DGKG: variants seen among roughly 807,000 people sequenced by gnomAD.
DGKG encodes DAG kinase gamma.
Under a neutral mutation model 105.3 loss-of-function variants are expected in DGKG, and 78 were observed. That is an observed-to-expected ratio of 0.74 (90% CI 0.62 to 0.89). The LOEUF (loss-of-function observed/expected upper bound fraction) is 0.89. DGKG is among the 40% of genes least tolerant of loss of function. The pLI is 0.00. For missense variants in DGKG, 958 were observed against 1,020.1 expected (o/e 0.94, Z 0.83); for synonymous variants, 346 against 367.1 (o/e 0.94, Z 0.66).
chr3:186,344,417 G>A (rs527683634), intron 1 of DGKG, among the ~76,000 whole-genome samples: 26 of 152,352 alleles, frequency 1.7e-4, no homozygotes, highest in Non-Finnish European at 1.9e-4. Context: ...AAAAGAACGC[G>A]ATATGTCTTT....
rs1490498352 is a variant in DGKG, at chr3:186,347,396, C to T, written c.-249+14550G>A. On this transcript the variant is annotated intron_variant, in intron 1 of 24. Transcript: ENST00000265022. ...CCGGGAGGCAGAGGTTGCAGTGAGC[C>T]GAGACCACAGCCGCTGCACTCCAGC... Among the ~76,000 whole-genome samples the T allele has an allele frequency of 7.2e-5, 10 of 139,496 alleles. No individual in the cohort carries two copies. In the East Asian group the frequency reaches 1.3e-3, roughly 18 times the overall value. The allele number at this position is 139,496 out of a possible 152,430, so 91.5% of individuals were successfully genotyped here. A position where few individuals can be genotyped will look rare whatever the true frequency, so the allele number is the denominator to read the frequency against.
chr3:186,280,857 A>C, intron 7 of DGKG, 113 bp from the exon 8 acceptor site: 1 of 816,962 alleles, frequency 1.2e-6, no homozygotes, highest in South Asian at 1.6e-5. Context: ...GGGCAAGAGA[A>C]GAAGCTGGTG....
intron 1 of DGKG, among the ~76,000 whole-genome samples, chr3:186,352,693 TA>T (rs1480805313): frequency 1.3e-5 from 2 of 152,188 alleles, no homozygotes; most frequent in Non-Finnish European, 2.9e-5. Flanking sequence ...TACACTCAGT[TA>T]CAAGTTCTTT....
chr3:186,312,718 T>C (rs1368314565), intron 2 of DGKG, among the ~76,000 whole-genome samples: 1 of 152,222 alleles, frequency 6.6e-6, no homozygotes, highest in Non-Finnish European at 1.5e-5. Flanking sequence ...TAGGAAGTTA[T>C]ACAGTGAGAT....
intron 20 of DGKG, among the ~76,000 whole-genome samples, chr3:186,217,066 T>C (rs1719326606): frequency 6.6e-6 from 1 of 152,216 alleles, no homozygotes; most frequent in South Asian, 2.1e-4. Context: ...AAGTGCTCAG[T>C]AGCTGTTCTT....
intron 13 of DGKG, among the ~76,000 whole-genome samples, chr3:186,266,243 G>A (rs904687542): frequency 1.4e-4 from 21 of 152,200 alleles, no homozygotes; most frequent in African/African-American, 4.8e-4. Context: ...ATATCTTTTC[G>A]AGTCTAGCTT....
chr3:186,156,304 A>G (rs1165260282), intron 24 of DGKG, among the ~76,000 whole-genome samples: 1 of 152,024 alleles, frequency 6.6e-6, no homozygotes, highest in Non-Finnish European at 1.5e-5. Flanking sequence ...GTTTGAGGTG[A>G]GAGGTTCTAT....
chr3:186,157,947 C>T (rs959725299), intron 24 of DGKG, among the ~76,000 whole-genome samples: 3 of 152,172 alleles, frequency 2.0e-5, no homozygotes, highest in East Asian at 1.9e-4. Flanking sequence ...AAGTAATCCT[C>T]GTGCCTCAGC....
At chr3:186,278,539 C>G (rs188662822) in intron 9 of DGKG, among the ~76,000 whole-genome samples, 3 of 152,102 alleles carry the variant, frequency 2.0e-5, no homozygotes, top group Non-Finnish European at 4.4e-5. Flanking sequence ...AGGGGATCAA[C>G]CAGGGACCAC....
intron 21 of DGKG, among the ~76,000 whole-genome samples, chr3:186,193,723 C>A (rs941138242): frequency 6.6e-6 from 1 of 152,186 alleles, no homozygotes; most frequent in Non-Finnish European, 1.5e-5. Flanking sequence ...CCCCGGGGCC[C>A]GCTCCCCGGC....
At chr3:186,297,642 G>A (rs1418404084) in intron 4 of DGKG, among the ~76,000 whole-genome samples, 159 bp from the exon 5 acceptor site, 1 of 152,162 alleles carries the variant, frequency 6.6e-6, no homozygotes, top group Admixed American at 6.5e-5. Context: ...GGGATTGGCT[G>A]TGTCTCCCCC....
At chr3:186,176,988 T>C (rs1020403935) in intron 22 of DGKG, among the ~76,000 whole-genome samples, 4 of 152,180 alleles carry the variant, frequency 2.6e-5, no homozygotes, top group Non-Finnish European at 4.4e-5. Flanking sequence ...TGGGTGGTTT[T>C]TGGGGAGGGA....
intron 2 of DGKG, among the ~76,000 whole-genome samples, chr3:186,314,428 G>A (rs1020799120): frequency 1.3e-5 from 2 of 152,158 alleles, no homozygotes; most frequent in African/African-American, 4.8e-5. Flanking sequence ...AATGTGTAAT[G>A]CTTGGCATTG....
chr3:186,283,847 T>A (rs970442596), intron 7 of DGKG, among the ~76,000 whole-genome samples: 1 of 152,226 alleles, frequency 6.6e-6, no homozygotes, highest in Non-Finnish European at 1.5e-5. Flanking sequence ...GGAATTGGGA[T>A]GATTCAGTTT....
chr3:186,353,449 G>A (rs113114483), intron 1 of DGKG, among the ~76,000 whole-genome samples: 14,989 of 151,564 alleles, frequency 0.099, 774 homozygotes, highest in Middle Eastern at 0.17. Context: ...AACCTGGGAC[G>A]CAGAGGTTAC....
intron 14 of DGKG, 145 bp from the exon 15 acceptor site, chr3:186,261,923 G>A (rs1325500779): frequency 8.5e-6 from 5 of 585,750 alleles, no homozygotes; most frequent in African/African-American, 5.7e-5. Context: ...CTGAATTTTC[G>A]GAGGGGCTAA....
chr3:186,334,471 A>G (rs1311209429), intron 1 of DGKG, among the ~76,000 whole-genome samples: 1 of 152,214 alleles, frequency 6.6e-6, no homozygotes, highest in Non-Finnish European at 1.5e-5. Context: ...ATGGGCGATT[A>G]TGTAGTAATG....
intron 21 of DGKG, among the ~76,000 whole-genome samples, chr3:186,200,165 G>A (rs973952246): frequency 6.6e-5 from 10 of 152,168 alleles, no homozygotes; most frequent in African/African-American, 2.4e-4. Flanking sequence ...AGGCTGTTTA[G>A]CTCAGTGAAG....
In DGKG at chr3:186,299,829, CTTTCTTTCTTTTT is replaced by C. The variant is rs1275457409; in HGVS notation, c.145-1613_145-1601del. On this transcript the variant is annotated intron_variant, in intron 3 of 24. Transcript: ENST00000265022. ...TCTTTCTTTCTTTCTTTCTTTCTTTCTTTCTTTCTTTTTTTTTTTTTTTGAGATAGAGCCTTGC... is the reference window on the plus strand; with the variant it reads ...TCTTTCTTTCTTTCTTTCTTTCTTTCTTTTTTTTTTGAGATAGAGCCTTGC... 6.6e-4 allele frequency among the ~76,000 whole-genome samples: 71 copies of C among 107,812 alleles called. 2 individuals carry two copies. The highest frequency in any genetic ancestry group is 7.4e-4 in the Non-Finnish European group (38 of 51,020). The allele number at this position is 107,812 out of a possible 152,430, so 70.7% of individuals were successfully genotyped here. A position where few individuals can be genotyped will look rare whatever the true frequency, so the allele number is the denominator to read the frequency against.
Sources: gnomAD v4.1 joint callset for allele counts (sites outside exome capture counted in the v4.1 genomes callset) on GRCh38, gnomAD v4.1.1 for gene constraint, MANE v1.5 for transcripts, NCBI Gene and HGNC (gene_info 2026-07-23, HGNC 2026-07-21) for gene names.